The following NCEH1 variants were observed in gnomAD, a reference collection of about 807,000 sequenced individuals.
NCEH1 encodes the protein neutral cholesterol ester hydrolase 1.
NCEH1 carries 9 observed loss-of-function variants against 25.4 expected under a neutral mutation model. That is an observed-to-expected ratio of 0.35 (90% CI 0.21 to 0.62). NCEH1 has a LOEUF of 0.62. Among genes scored for constraint, NCEH1 ranks in the 20% least tolerant of loss-of-function variants. NCEH1 has a pLI of 0.72. For missense variants in NCEH1, 412 were observed against 501.1 expected, an observed-to-expected ratio of 0.82 and a Z score of 1.70; for synonymous variants, 200 against 199.8, an observed-to-expected ratio of 1.00 and a Z score of -0.01.
At chr3:172,678,799 G>A (rs1035113786) in intron 1 of NCEH1, among the ~76,000 whole-genome samples, 8 of 152,126 alleles carry the variant, frequency 5.3e-5, no homozygotes, top group Admixed American at 3.9e-4. Context: ...CATCCACATA[G>A]TGAACACTGT....
chr3:172,675,941 G>A (rs1258530768), intron 1 of NCEH1, among the ~76,000 whole-genome samples: 1 of 151,884 alleles, frequency 6.6e-6, no homozygotes, highest in African/African-American at 2.4e-5. Flanking sequence ...ATCTCTTTTC[G>A]CCTAGAAGCA....
chr3:172,703,165 CAG>C (rs2108538698), intron 1 of NCEH1: 1 of 152,280 alleles, frequency 6.6e-6, no homozygotes, highest in East Asian at 1.9e-4. Context: ...CATAACAGTT[CAG>C]AGAGGACTAG....
At chr3:172,682,185 G>A (rs530818530) in intron 1 of NCEH1, among the ~76,000 whole-genome samples, 1 of 152,302 alleles carries the variant, frequency 6.6e-6, no homozygotes, top group East Asian at 1.9e-4. Flanking sequence ...TTCTGAAGAA[G>A]GTTCCGAGTT....
intron 1 of NCEH1, among the ~76,000 whole-genome samples, chr3:172,699,707 A>G (rs187522733): frequency 4.3e-4 from 66 of 152,258 alleles, no homozygotes; most frequent in African/African-American, 1.6e-3. Context: ...TCTACAAAAA[A>G]TACAAAAATC....
intron 1 of NCEH1, among the ~76,000 whole-genome samples, chr3:172,689,214 G>A (rs927910616): frequency 6.8e-5 from 10 of 147,270 alleles, no homozygotes; most frequent in Non-Finnish European, 1.0e-4. Context: ...CAATAAGACC[G>A]ATATTCACAT....
intron 1 of NCEH1, among the ~76,000 whole-genome samples, chr3:172,655,187 G>GC (rs1156762225): frequency 6.6e-6 from 1 of 152,184 alleles, no homozygotes; most frequent in Non-Finnish European, 1.5e-5. Flanking sequence ...TGTGTTAAGG[G>GC]CCCTGTGAGC....
intron 1 of NCEH1, among the ~76,000 whole-genome samples, chr3:172,678,488 C>G (rs1389919397): frequency 1.3e-5 from 2 of 152,188 alleles, no homozygotes; most frequent in Non-Finnish European, 2.9e-5. Context: ...ACAAGTCACT[C>G]CTTCCAAACG....
At chr3:172,675,315 A>AATTAATT (rs1553835579) in intron 1 of NCEH1, among the ~76,000 whole-genome samples, 79 of 134,620 alleles carry the variant, frequency 5.9e-4, no homozygotes, top group South Asian at 1.8e-3. Context: ...ATAAATAAAT[A>AATTAATT]AATAAATAAA....
chr3:172,656,390 G>T (rs1717696477), intron 1 of NCEH1, among the ~76,000 whole-genome samples: 1 of 152,172 alleles, frequency 6.6e-6, no homozygotes. Flanking sequence ...TTTATAGACG[G>T]CAAGGAGGCA....
At chr3:172,691,692 G>A (rs1176097701) in intron 1 of NCEH1, among the ~76,000 whole-genome samples, 9 of 152,284 alleles carry the variant, frequency 5.9e-5, no homozygotes, top group Non-Finnish European at 1.3e-4. Flanking sequence ...GCTCACGCCT[G>A]TAATCCCAGC....
chr3:172,669,370 A>G (rs1399902847), intron 1 of NCEH1, among the ~76,000 whole-genome samples: 1 of 152,150 alleles, frequency 6.6e-6, no homozygotes, highest in Non-Finnish European at 1.5e-5. Flanking sequence ...TGCCTATTTC[A>G]TGTTATGAGA....
chr3:172,699,592 TG>T (rs1413691590), intron 1 of NCEH1, among the ~76,000 whole-genome samples: 1 of 152,190 alleles, frequency 6.6e-6, no homozygotes, highest in African/African-American at 2.4e-5. Flanking sequence ...GAGCTAGGCA[TG>T]GTGCCTCATA....
chr3:172,707,788 G>A (rs921600337), intron 1 of NCEH1, among the ~76,000 whole-genome samples: 2 of 152,142 alleles, frequency 1.3e-5, no homozygotes, highest in South Asian at 2.1e-4. Context: ...AGGTTTCACC[G>A]TATTAGCCAG....
rs188813782 is a variant in NCEH1, at chr3:172,648,161, G to A, written c.139-47C>T. On this transcript the variant is annotated intron_variant, in intron 1 of 4. Transcript: ENST00000475381. ...AAAGAGGGAGGGCGCACGTCAACTT[G>A]GCATCACCAGAGCTGCCCTCACCAA... 85 of 1,608,422 alleles carry A rather than the reference G, an allele frequency of 5.3e-5. No homozygotes were observed. In the African/African-American group the frequency reaches 9.6e-4, roughly 18 times the overall value.
chr3:172,680,456 G>A (rs1187184842), intron 1 of NCEH1, among the ~76,000 whole-genome samples: 1 of 152,098 alleles, frequency 6.6e-6, no homozygotes, highest in African/African-American at 2.4e-5. Flanking sequence ...CATGTCAAGT[G>A]GAAGGTTTGG....
intron 3 of NCEH1, among the ~76,000 whole-genome samples, chr3:172,641,012 C>A (rs1040916844): frequency 6.6e-6 from 1 of 151,940 alleles, no homozygotes; most frequent in Non-Finnish European, 1.5e-5. Context: ...AAACTGTGCT[C>A]GAGGGGAAGG....
chr3:172,707,843 C>T (rs1016865718), intron 1 of NCEH1, among the ~76,000 whole-genome samples: 3 of 152,224 alleles, frequency 2.0e-5, no homozygotes, highest in African/African-American at 7.2e-5. Flanking sequence ...GCCTCGGCCT[C>T]CCAAAGTGCT....
At chr3:172,696,422 T>C (rs1713377288) in intron 1 of NCEH1, among the ~76,000 whole-genome samples, 1 of 152,220 alleles carries the variant, frequency 6.6e-6, no homozygotes, top group South Asian at 2.1e-4. Context: ...AAAATCAGAT[T>C]TGGACTAAAT....
At chr3:172,681,736 CAAAAAAAAAAAAAA>C (rs768887847) in intron 1 of NCEH1, among the ~76,000 whole-genome samples, 1 of 103,900 alleles carries the variant, frequency 9.6e-6, no homozygotes, top group Admixed American at 1.1e-4. Context: ...GTAAAAATAC[CAAAAAAAAAAAAAA>C]AAAAAAATTA....
Sources: gnomAD v4.1 joint callset for allele counts (sites outside exome capture counted in the v4.1 genomes callset) on GRCh38, gnomAD v4.1.1 for gene constraint, MANE v1.5 for transcripts, NCBI Gene and HGNC (gene_info 2026-07-23, HGNC 2026-07-21) for gene names.